The following INTS3 variants were observed in gnomAD, a reference collection of about 807,000 sequenced individuals.
The protein encoded by INTS3 is integrator complex subunit 3, also known as SOSS complex subunit A.
Under a neutral mutation model 146.3 loss-of-function variants are expected in INTS3, and 34 were observed. The observed-to-expected ratio is 0.23, with a 90% CI of 0.18 to 0.31. The LOEUF (loss-of-function observed/expected upper bound fraction) is 0.31. Among genes scored for constraint, INTS3 ranks in the 10% least tolerant of loss-of-function variants. The pLI, the probability that INTS3 is intolerant of heterozygous loss-of-function variation, is 1.00. For missense variants in INTS3, 757 were observed against 1,304.2 expected, an observed-to-expected ratio of 0.58 and a Z score of 6.46; for synonymous variants, 475 against 494.9, an observed-to-expected ratio of 0.96 and a Z score of 0.53.
intron 7 of INTS3, 60 bp downstream of exon 7, chr1:153,751,299 A>G (rs753922167): frequency 9.7e-6 from 15 of 1,546,162 alleles, no homozygotes; most frequent in Non-Finnish European, 1.3e-5. Flanking sequence ...ATACCTCTGG[A>G]GGTTTATGCA....
chr1:153,728,313 C>T lies in INTS3; in HGVS notation c.-322C>T, dbSNP rs1427280455. ...CCCTCCTTTCTTAGGGTCAGACGCT[C>T]TTAGGGTCCACTTCTTCAGGGGCGG... On this transcript the variant is annotated 5_prime_UTR_variant, in exon 1 of 30. Coordinates refer to ENST00000318967, the MANE Select transcript of INTS3 (RefSeq NM_023015.5). 7.5e-6 allele frequency: 3 copies of T among 400,874 alleles called. No individual in the cohort carries two copies. The highest frequency in any genetic ancestry group is 3.6e-5 in the East Asian group (1 of 27,510). 24.8% of individuals were successfully genotyped at this position (400,874 alleles called of 1,614,324 possible).
At chr1:153,742,390 C>T (rs188246296) in intron 3 of INTS3, among the ~76,000 whole-genome samples, 11 of 152,228 alleles carry the variant, frequency 7.2e-5, no homozygotes. Context: ...CAGTCCAGCA[C>T]ATCCATTTTA....
Position 153,761,667 on chromosome 1 carries a change from C to T in INTS3, c.1507C>T (p.Pro503Ser). ...FPEFCSSPSP[P>S]VEVKIEEPVS... ...TGAGTTCTGCAGCTCACCCTCCCCA[C>T]CTGTGGAAGGTATGAGGCCCGCCCA... is the stretch of plus-strand genomic sequence containing the variant. Residue 503 changes from proline (P) to serine (S), a missense_variant, in exon 14 of 30, where the codon CCT becomes TCT. Transcript: ENST00000318967. 7 of 1,612,266 alleles carry T rather than the reference C, an allele frequency of 4.3e-6. No individual in the cohort carries two copies. Among genetic ancestry groups the T allele is most frequent in the African/African-American group, 1.3e-5 (1 of 75,010 alleles).
At chr1:153,758,465 A>G (rs1264123307) in intron 10 of INTS3, among the ~76,000 whole-genome samples, 1 of 152,210 alleles carries the variant, frequency 6.6e-6, no homozygotes, top group Non-Finnish European at 1.5e-5. Flanking sequence ...TTCTGAGTCC[A>G]AGCATTGTCC....
intron 3 of INTS3, among the ~76,000 whole-genome samples, chr1:153,745,392 G>A (rs1671691817): frequency 6.6e-6 from 1 of 151,820 alleles, no homozygotes; most frequent in Non-Finnish European, 1.5e-5. Flanking sequence ...CCTGACCTCA[G>A]ATGATCCACA....
chr1:153,754,700 C>G lies in INTS3; in HGVS notation c.918C>G (p.Thr306=), dbSNP rs754328236. The change falls in exon 9 of 30, where the codon ACC becomes ACG. Residue 306 remains threonine, a synonymous_variant. Transcript: ENST00000318967. The part of the protein sequence containing the change: ...TSRKFLACRL[T]PDMETKLLFM... ...GAAAATTCCTAGCATGTCGTCTAAC[C>G]CCGGACATGGAGACTAAACTCCTCT... The G allele has an allele frequency of 1.2e-6, 2 of 1,613,322 alleles. No individual in the cohort carries two copies. The highest frequency in any genetic ancestry group is 2.2e-5 in the South Asian group (2 of 91,050).
chr1:153,745,907 C>T (rs754369857), intron 3 of INTS3, among the ~76,000 whole-genome samples: 1 of 152,110 alleles, frequency 6.6e-6, no homozygotes, highest in African/African-American at 2.4e-5. Flanking sequence ...AGAGTTTCAG[C>T]CTAGGGAACA....
chr1:153,769,098 C>T (rs1369187309), intron 22 of INTS3, 137 bp downstream of exon 22: 8 of 695,570 alleles, frequency 1.2e-5, no homozygotes, highest in African/African-American at 3.6e-5. Flanking sequence ...CAGTGGTGTG[C>T]GCTTTCAGCC....
chr1:153,731,378 C>T (rs1477433905), intron 1 of INTS3, among the ~76,000 whole-genome samples: 3 of 151,938 alleles, frequency 2.0e-5, no homozygotes, highest in African/African-American at 7.3e-5. Context: ...CCTGTTTTTC[C>T]CTTTGAAGGC....
At position 153,731,614 on chromosome 1, in the gene INTS3, A is replaced by G. The variant is rs373049892; in HGVS notation, c.150+2830A>G. ...TTTTTTTTTTTTGAGATGGAGTCTC[A>G]CTCTGTCGCCCAGGCTGGAGTGGTG... On this transcript the variant is annotated intron_variant, in intron 1 of 29. Transcript: ENST00000318967. Among the ~76,000 whole-genome samples the G allele has an allele frequency of 4.3e-3, 490 of 114,584 alleles. 5 individuals are homozygous for G. The highest frequency in any genetic ancestry group is 0.016 in the African/African-American group (470 of 28,738). 75.2% of individuals were successfully genotyped at this position (114,584 alleles called of 152,430 possible).
chr1:153,737,852 T>C (rs1415246221), intron 1 of INTS3, among the ~76,000 whole-genome samples: 2 of 152,108 alleles, frequency 1.3e-5, no homozygotes, highest in Non-Finnish European at 2.9e-5. Flanking sequence ...CCTCACACTC[T>C]CATTGTTTTT....
rs1467266858 is a variant in INTS3 at position 153,767,812 on chromosome 1, C to G, written c.2229C>G (p.Pro743=). 8 of 1,604,654 alleles carry G rather than the reference C, an allele frequency of 5.0e-6. No homozygotes were observed. The highest frequency in any genetic ancestry group is 6.8e-6 in the Non-Finnish European group (8 of 1,175,348). The change falls in exon 21 of 30, where the codon CCC becomes CCG. Residue 743 remains proline (P), a synonymous_variant. Transcript: ENST00000318967. ...DDVRLLCHLT[P]SIYTEFPDET... is the part of the protein sequence containing the mutation. Reference sequence around the variant, plus strand: ...TGCGGCTCCTGTGCCACCTCACGCCCTCCATCTACACAGAGGTCAGTGCCT... The same window carrying G: ...TGCGGCTCCTGTGCCACCTCACGCCGTCCATCTACACAGAGGTCAGTGCCT...
At chr1:153,769,709 A>G (rs1047333890) in intron 22 of INTS3, 60 bp from the exon 23 acceptor site, 5 of 1,145,776 alleles carry the variant, frequency 4.4e-6, no homozygotes, top group Non-Finnish European at 6.6e-6. Context: ...CCCCCTCCAT[A>G]CTAGCTTCCT....
intron 1 of INTS3, among the ~76,000 whole-genome samples, chr1:153,734,832 T>C (rs1671230415): frequency 6.6e-6 from 1 of 152,218 alleles, no homozygotes; most frequent in African/African-American, 2.4e-5. Context: ...CAGGAATTTA[T>C]TCATGTCCTG....
chr1:153,771,767 C>T (rs757617033), intron 25 of INTS3, 29 bp from the exon 26 acceptor site: 1 of 1,596,814 alleles, frequency 6.3e-7, no homozygotes, highest in Non-Finnish European at 8.5e-7. Context: ...ACTGTGCAAG[C>T]AGCACCCAGT....
rs1338045806 is a variant in INTS3 at position 153,773,993 on chromosome 1, TTTTTGTTTTTTTTTG to T, written c.*728_*742del. On this transcript the variant is annotated 3_prime_UTR_variant, in exon 30 of 30. Transcript: ENST00000318967. ...TCCCATTTCCTTGAGTCTGTTTTTT[TTTTTGTTTTTTTTTG>T]TTTTTTTTTTGGCAGAGATAATCGT... 2.8e-3 allele frequency: 458 copies of T among 166,230 alleles called. 2 individuals carry two copies. The highest frequency in any genetic ancestry group is 0.011 in the African/African-American group (441 of 41,136). The allele number at this position is 166,230 out of a possible 1,614,324, so 10.3% of individuals were successfully genotyped here.
chr1:153,771,031 C>CCA, intron 25 of INTS3, among the ~76,000 whole-genome samples: 1 of 152,084 alleles, frequency 6.6e-6, no homozygotes, highest in Admixed American at 6.5e-5. Flanking sequence ...TCCTGCTCCC[C>CCA]GCCGCGCCCC....
At chr1:153,741,942 C>T (rs9426891) in intron 3 of INTS3, among the ~76,000 whole-genome samples, 83,282 of 152,036 alleles carry the variant, frequency 0.55, 23,461 homozygotes, top group African/African-American at 0.66. Context: ...TTATGTGGAA[C>T]GGTTCAAGTA....
In INTS3 at chr1:153,760,301, C is replaced by T. The variant is rs766188340; in HGVS notation, c.1238-10C>T. The T allele has an allele frequency of 7.7e-6, 11 of 1,422,768 alleles. No homozygotes were observed. The highest frequency in any genetic ancestry group is 1.1e-5 in the South Asian group (1 of 87,524). 88.1% of individuals were successfully genotyped at this position (1,422,768 alleles called of 1,614,324 possible). ...TGATGTGAGGGGCTCTTTAATTTCA[C>T]ATCCTCCAGAACCAGCCATCCTGGT... On this transcript the variant is annotated splice_polypyrimidine_tract_variant and intron_variant, in intron 11 of 29. Coordinates refer to ENST00000318967, the MANE Select transcript of INTS3 (RefSeq NM_023015.5).
Sources: gnomAD v4.1 joint callset for allele counts (sites outside exome capture counted in the v4.1 genomes callset) on GRCh38, gnomAD v4.1.1 for gene constraint, MANE v1.5 for transcripts, NCBI Gene and HGNC (gene_info 2026-07-23, HGNC 2026-07-21) for gene names.